ITGA9: variants seen among roughly 807,000 people sequenced by gnomAD.
The protein encoded by ITGA9 is integrin alpha-9.
Under a neutral mutation model 127.8 loss-of-function variants are expected in ITGA9, and 56 were observed. The observed-to-expected ratio is 0.44, with a 90% CI of 0.35 to 0.55. The LOEUF is 0.55. Ranked by LOEUF, ITGA9 falls within the 20% of genes least tolerant of loss-of-function variation. ITGA9 has a pLI of 0.00. For synonymous variants in ITGA9, 508 were observed against 514.5 expected (o/e 0.99, Z 0.17); for missense variants, 1,196 against 1,347.1 (o/e 0.89, Z 1.76).
At chr3:37,740,053 T>C (rs773014576) in intron 20 of ITGA9, among the ~76,000 whole-genome samples, 3 of 152,118 alleles carry the variant, frequency 2.0e-5, no homozygotes, top group Non-Finnish European at 4.4e-5. Flanking sequence ...TGTGGCCCTA[T>C]GGGGTCAGCG....
At chr3:37,762,354 A>G (rs1463160420) in intron 23 of ITGA9, among the ~76,000 whole-genome samples, 1 of 152,256 alleles carries the variant, frequency 6.6e-6, no homozygotes, top group Non-Finnish European at 1.5e-5. Context: ...ACAGAAGCTT[A>G]TATACCATCT....
chr3:37,489,956 G>C (rs1037331765), intron 4 of ITGA9, among the ~76,000 whole-genome samples: 1 of 152,202 alleles, frequency 6.6e-6, no homozygotes, highest in African/African-American at 2.4e-5. Context: ...TCCTGTTGCA[G>C]GTAGCCCCTA....
chr3:37,621,663 G>A (rs768946739), intron 15 of ITGA9, among the ~76,000 whole-genome samples: 2 of 152,104 alleles, frequency 1.3e-5, no homozygotes, highest in Non-Finnish European at 2.9e-5. Context: ...GCATCAGTGG[G>A]GTTATGTGAT....
chr3:37,519,214 A>T (rs376963546), intron 10 of ITGA9, 46 bp from the exon 11 acceptor site: 2 of 1,415,038 alleles, frequency 1.4e-6, no homozygotes, highest in African/African-American at 1.4e-5. Context: ...CTGCACTTGT[A>T]TTATTAATGT....
chr3:37,642,912 G>C (rs186241103), intron 16 of ITGA9, among the ~76,000 whole-genome samples: 2 of 152,214 alleles, frequency 1.3e-5, no homozygotes, highest in Non-Finnish European at 2.9e-5. Flanking sequence ...TGGACATTAG[G>C]TAATAGTTTC....
intron 13 of ITGA9, among the ~76,000 whole-genome samples, chr3:37,527,218 A>G (rs1481988517): frequency 6.6e-6 from 1 of 152,200 alleles, no homozygotes; most frequent in Non-Finnish European, 1.5e-5. Flanking sequence ...TCAACTTAGG[A>G]TGGGTTTATC....
chr3:37,810,336 G>A (rs756558962), intron 27 of ITGA9, among the ~76,000 whole-genome samples: 15 of 152,180 alleles, frequency 9.9e-5, no homozygotes, highest in Non-Finnish European at 2.2e-4. Context: ...ACCTTCACTA[G>A]GCAAAGAGTA....
intron 18 of ITGA9, among the ~76,000 whole-genome samples, chr3:37,716,737 G>A (rs369070976): frequency 6.6e-6 from 1 of 151,562 alleles, no homozygotes. Context: ...ATAACCAAAA[G>A]CAACCCTTAC....
chr3:37,474,587 G>A (rs150108526), intron 3 of ITGA9, among the ~76,000 whole-genome samples: 44 of 152,288 alleles, frequency 2.9e-4, no homozygotes, highest in African/African-American at 7.5e-4. Context: ...CCAGTACTCC[G>A]GAAGAACCCC....
At chr3:37,749,306 T>A (rs1455953564) in intron 22 of ITGA9, 1 of 157,146 alleles carries the variant, frequency 6.4e-6, no homozygotes, top group African/African-American at 2.4e-5. Context: ...ATAAGGACTC[T>A]TGTGAGTACA....
intron 1 of ITGA9, among the ~76,000 whole-genome samples, chr3:37,465,306 G>C (rs940995459): frequency 3.9e-5 from 6 of 152,162 alleles, no homozygotes; most frequent in Non-Finnish European, 5.9e-5. Context: ...TGGGCGGCTG[G>C]AATGGAGCCT....
At chr3:37,638,052 A>G (rs1042151655) in intron 16 of ITGA9, among the ~76,000 whole-genome samples, 32 of 152,162 alleles carry the variant, frequency 2.1e-4, no homozygotes, top group African/African-American at 7.2e-4. Context: ...GAGGAGTTAA[A>G]CTAATAATTT....
intron 20 of ITGA9, among the ~76,000 whole-genome samples, chr3:37,741,413 C>T (rs1462796543): frequency 2.6e-5 from 4 of 152,180 alleles, no homozygotes; most frequent in Non-Finnish European, 5.9e-5. Flanking sequence ...CTGCCGACAG[C>T]ACGACCCTCC....
At chr3:37,601,892 G>T (rs1699925869) in intron 15 of ITGA9, among the ~76,000 whole-genome samples, 1 of 152,214 alleles carries the variant, frequency 6.6e-6, no homozygotes, top group Non-Finnish European at 1.5e-5. Context: ...TCCGCTTTGG[G>T]TGAGGGCGTC....
chr3:37,707,031 A>G (rs1381649046), intron 18 of ITGA9, among the ~76,000 whole-genome samples: 1 of 152,204 alleles, frequency 6.6e-6, no homozygotes, highest in Non-Finnish European at 1.5e-5. Context: ...ATTAAGAAAA[A>G]CATTAAATCT....
At chr3:37,781,783 T>A (rs1183276991) in intron 25 of ITGA9, among the ~76,000 whole-genome samples, 1 of 152,194 alleles carries the variant, frequency 6.6e-6, no homozygotes, top group Non-Finnish European at 1.5e-5. Flanking sequence ...AGTCATTCTG[T>A]GGTTATTTTT....
At chr3:37,545,267 A>G (rs1054215680) in intron 15 of ITGA9, among the ~76,000 whole-genome samples, 19 of 152,086 alleles carry the variant, frequency 1.2e-4, no homozygotes, top group African/African-American at 4.6e-4. Flanking sequence ...ATCACACACC[A>G]TATGGCTAGC....
intron 2 of ITGA9, 136 bp downstream of exon 2, chr3:37,471,270 C>T: frequency 9.9e-7 from 1 of 1,008,992 alleles, no homozygotes; most frequent in Non-Finnish European, 1.6e-6. Context: ...CTCCAACAAG[C>T]ATGTATTGAG....
rs1698538688 is a variant in ITGA9, at chr3:37,480,271, T to C, written c.421-1213T>C. ...GGACGATCCAGGCCTGCATCCTGGC[T>C]GCTGGCACTGCTCCAGTGTCTGTTA... On this transcript the variant is annotated intron_variant, in intron 3 of 27. Transcript: ENST00000264741. 2.0e-5 allele frequency among the ~76,000 whole-genome samples: 3 copies of C among 152,274 alleles called. No homozygotes were observed. The South Asian group carries it at 6.2e-4, about 32-fold the overall frequency.
Sources: gnomAD v4.1 joint callset for allele counts (sites outside exome capture counted in the v4.1 genomes callset) on GRCh38, gnomAD v4.1.1 for gene constraint, MANE v1.5 for transcripts, NCBI Gene and HGNC (gene_info 2026-07-23, HGNC 2026-07-21) for gene names.